Variants in ASH1L observed in about 807,000 individuals in gnomAD.
ASH1L encodes ASH1 like histone lysine methyltransferase.
A neutral mutation model predicts 269.0 loss-of-function variants in ASH1L; 23 were observed. That is an observed-to-expected ratio of 0.09 (90% CI 0.06 to 0.12). ASH1L has a LOEUF of 0.12. Among genes scored for constraint, ASH1L ranks in the 10% least tolerant of loss-of-function variants. The pLI is 1.00. For synonymous variants in ASH1L, 1,187 were observed against 1,253.5 expected (o/e 0.95, Z 1.12); for missense variants, 2,912 against 3,567.8 (o/e 0.82, Z 4.68).
chr1:155,489,168 G>A (rs935450279), intron 2 of ASH1L, among the ~76,000 whole-genome samples: 2 of 152,164 alleles, frequency 1.3e-5, no homozygotes, highest in Non-Finnish European at 2.9e-5. Context: ...AATAGTTTCT[G>A]GCTTTTTGTT....
chr1:155,485,956 G>GAA (rs201851090), intron 2 of ASH1L, among the ~76,000 whole-genome samples: 2 of 132,854 alleles, frequency 1.5e-5, no homozygotes, highest in Non-Finnish European at 1.7e-5. Context: ...TGTGTCTATT[G>GAA]AAAAAAAAAA....
intron 4 of ASH1L, among the ~76,000 whole-genome samples, chr1:155,451,798 G>A (rs1029374161): frequency 2.0e-5 from 3 of 152,028 alleles, no homozygotes; most frequent in Non-Finnish European, 2.9e-5. Flanking sequence ...CTCAGCTCAC[G>A]GCAGCCTCCG....
chr1:155,396,581 G>A (rs1658362388), intron 6 of ASH1L, among the ~76,000 whole-genome samples: 1 of 151,998 alleles, frequency 6.6e-6, no homozygotes, highest in Non-Finnish European at 1.5e-5. Flanking sequence ...AAAGTGCTGG[G>A]ATTACAGGCG....
At chr1:155,353,033 A>T (rs1654066458) in intron 16 of ASH1L, among the ~76,000 whole-genome samples, 175 bp from the exon 17 acceptor site, 1 of 152,200 alleles carries the variant, frequency 6.6e-6, no homozygotes, top group Non-Finnish European at 1.5e-5. Flanking sequence ...ACTGGAATTT[A>T]CTGGAGACAA....
chr1:155,485,427 T>TC (rs947375338), intron 2 of ASH1L, among the ~76,000 whole-genome samples: 1 of 151,898 alleles, frequency 6.6e-6, no homozygotes, highest in African/African-American at 2.4e-5. Flanking sequence ...TAAGCCATCC[T>TC]CCCCCCGCTC....
At chr1:155,520,379 A>AAAAAAAAAAAAAAAAAAAAAAAAAAT (rs1558187401) in intron 2 of ASH1L, 1 of 154,146 alleles carries the variant, frequency 6.5e-6, no homozygotes, top group Non-Finnish European at 1.4e-5. Flanking sequence ...AAAAAAAAAA[A>AAAAAAAAAAAAAAAAAAAAAAAAAAT]AAAAAGAAAG....
At chr1:155,494,721 T>C (rs1331704809) in intron 2 of ASH1L, among the ~76,000 whole-genome samples, 4 of 152,122 alleles carry the variant, frequency 2.6e-5, no homozygotes, top group East Asian at 1.9e-4. Context: ...CATGTTAAAA[T>C]TGAAATACTT....
intron 2 of ASH1L, among the ~76,000 whole-genome samples, chr1:155,494,932 A>AAGAG (rs139398189): frequency 2.9e-4 from 43 of 149,556 alleles, no homozygotes; most frequent in East Asian, 9.8e-4. Context: ...AATAAGGAAA[A>AAGAG]AGAGAGAGAG....
In ASH1L at chr1:155,343,812, T is replaced by C; in HGVS notation, c.7982-70A>G. 1 of 1,567,264 alleles carries C rather than the reference T, an allele frequency of 6.4e-7. No individual in the cohort carries two copies. The highest frequency in any genetic ancestry group is 8.7e-7 in the Non-Finnish European group (1 of 1,147,356). On this transcript the variant is annotated intron_variant, in intron 22 of 27. Coordinates refer to ENST00000392403, the MANE Select transcript of ASH1L (RefSeq NM_018489.3). The surrounding 1 kb of genome is among the most constrained non-coding windows in gnomAD (Gnocchi z 6.1). ...ATGAATTCTGTTAGGCATCTGTTTA[T>C]CTGACTCAGGGTCTACATAGAACTC...
At position 155,438,724 on chromosome 1, in the gene ASH1L, A is replaced by T; in HGVS notation, c.5431T>A (p.Cys1811Ser). 6.2e-7 allele frequency: 1 copy of T among 1,614,032 alleles called. No homozygotes were observed. Among genetic ancestry groups the T allele is most frequent in the Non-Finnish European group, 8.5e-7 (1 of 1,180,012 alleles). ...EAMQRQARKMCNYDKILATKK... is the reference protein window; with the variant it reads ...EAMQRQARKMSNYDKILATKK... The stretch of plus-strand genomic sequence containing the variant: ...GTGGCCAAGATTTTGTCGTAATTGC[A>T]CATTTTCCGAGCTTGGCGTTGCATA... Residue 1811 changes from cysteine to serine, a missense_variant, in exon 5 of 28, where the codon TGC (cysteine) becomes AGC (serine). By Grantham distance (112) the Cys-to-Ser change is moderately radical (BLOSUM62 -1). Coordinates refer to ENST00000392403, the MANE Select transcript of ASH1L (RefSeq NM_018489.3).
Position 155,478,749 on chromosome 1 carries a change from G to C in ASH1L, c.4121C>G (p.Ser1374Cys). 1 of 1,614,116 alleles carries C rather than the reference G, an allele frequency of 6.2e-7. No individual in the cohort carries two copies. Among genetic ancestry groups the C allele is most frequent in the South Asian group, 1.1e-5 (1 of 91,076 alleles). ...ATAAGATGGATAGAATCCAGTACTA[G>C]AAAGAGGAAAACTAAGGCTGTGCAT... Reference protein sequence around the residue: ...PFMHSLSFPLSSTGFYPSYGM... With the variant: ...PFMHSLSFPLCSTGFYPSYGM... Residue 1374 changes from serine to cysteine, a missense_variant, in exon 3 of 28, where the codon TCT becomes TGT. Physicochemically the swap from Ser to Cys is moderately radical, Grantham distance 112. This residue lies in a region of ASH1L where 789 missense variants were observed against 897.6 expected (regional missense o/e 0.88). Transcript: ENST00000392403. This position sits in a 1 kb window ranked among gnomAD's most constrained non-coding sequence, Gnocchi z 4.6.
At chr1:155,366,758 C>T (rs1002642796) in intron 12 of ASH1L, among the ~76,000 whole-genome samples, 1 of 152,070 alleles carries the variant, frequency 6.6e-6, no homozygotes, top group East Asian at 1.9e-4. Context: ...ACTGCAAACT[C>T]TGCCTCCGGA....
At chr1:155,525,709 G>T (rs1225461508) in intron 1 of ASH1L, among the ~76,000 whole-genome samples, 1 of 152,072 alleles carries the variant, frequency 6.6e-6, no homozygotes, top group African/African-American at 2.4e-5. Context: ...ATCCATCCCT[G>T]AATATTTATG....
rs1338464972 is a variant in ASH1L at position 155,438,436 on chromosome 1, T to G, written c.5719A>C (p.Asn1907His). Reference sequence around the variant, plus strand: ...TTCAACCCCTTTTTATGTTCTGGGTTCAGATTTACACTCTGAACAACAGCC... The same window carrying G: ...TTCAACCCCTTTTTATGTTCTGGGTGCAGATTTACACTCTGAACAACAGCC... ...IEAVVQSVNLNPEHKKGLKRK... is the reference protein window; with the variant it reads ...IEAVVQSVNLHPEHKKGLKRK... Residue 1907 changes from asparagine to histidine, a missense_variant, in exon 5 of 28, where the codon AAC becomes CAC. Around this residue, in one of 13 missense-constraint regions of ASH1L, gnomAD observed 789 missense variants for 897.6 expected, o/e 0.88. Coordinates refer to ENST00000392403, the MANE Select transcript of ASH1L (RefSeq NM_018489.3). The G allele has an allele frequency of 3.7e-6, 6 of 1,613,748 alleles. No homozygotes were observed. The highest frequency in any genetic ancestry group is 5.1e-6 in the Non-Finnish European group (6 of 1,179,952).
At chr1:155,417,388 G>A (rs1571155507) in intron 5 of ASH1L, among the ~76,000 whole-genome samples, 1 of 152,212 alleles carries the variant, frequency 6.6e-6, no homozygotes, top group East Asian at 1.9e-4. Context: ...AAAAACCTAT[G>A]GAGAATTATA....
At chr1:155,441,244 T>A (rs1335531299) in intron 4 of ASH1L, among the ~76,000 whole-genome samples, 1 of 152,030 alleles carries the variant, frequency 6.6e-6, no homozygotes, top group African/African-American at 2.4e-5. Context: ...AATAGAAGAA[T>A]GTGATGATTT....
chr1:155,395,549 T>G lies in ASH1L; in HGVS notation c.6013A>C (p.Lys2005Gln). 6.2e-7 allele frequency: 1 copy of G among 1,605,742 alleles called. No homozygotes were observed. Among genetic ancestry groups the G allele is most frequent in the Non-Finnish European group, 8.5e-7 (1 of 1,177,410 alleles). ...TTCTTTAATTGGATCAATCGACTCT[T>G]TGGGCTGTGATAAAAAAAGAATGGG... ...YSDVYKTTDP[K>Q]SRLIQLKKEK... The change falls in exon 7 of 28, where the codon AAG becomes CAG. Residue 2005 changes from lysine (K) to glutamine (Q), a missense_variant. By Grantham distance (53) the Lys-to-Gln change is moderately conservative. Coordinates refer to ENST00000392403, the MANE Select transcript of ASH1L (RefSeq NM_018489.3).
chr1:155,474,266 T>C (rs1265405786), intron 3 of ASH1L, among the ~76,000 whole-genome samples: 2 of 152,188 alleles, frequency 1.3e-5, no homozygotes, highest in Non-Finnish European at 2.9e-5. Context: ...GTGAATGATA[T>C]TGCCTAACAC....
chr1:155,370,754 A>C, intron 11 of ASH1L, 23 bp downstream of exon 11: 2 of 1,613,966 alleles, frequency 1.2e-6, no homozygotes, highest in South Asian at 2.2e-5. Context: ...ATTTTATTAG[A>C]GTATCATCAT....
Sources: allele counts gnomAD v4.1 joint callset (sites outside exome capture counted in the v4.1 genomes callset), GRCh38; gene constraint gnomAD v4.1.1; regional missense constraint gnomAD v4.1.1; non-coding constraint Gnocchi (gnomAD v3.1); transcripts MANE v1.5; gene names NCBI Gene and HGNC (gene_info 2026-07-23, HGNC 2026-07-21).